The following CNTNAP2 variants were observed in gnomAD, a reference collection of about 807,000 sequenced individuals.
The protein encoded by CNTNAP2 is contactin-associated protein-like 2.
In CNTNAP2, 98 loss-of-function variants were observed where a neutral mutation model predicts 155.2. The ratio of observed to expected loss-of-function variants is 0.63; its 90% confidence interval spans 0.54 to 0.75. The LOEUF (loss-of-function observed/expected upper bound fraction) is 0.75, where lower values mean the gene tolerates loss of function less well. Ranked by LOEUF, CNTNAP2 falls within the 30% of genes least tolerant of loss-of-function variation. The probability of loss-of-function intolerance (pLI) is 0.00; values close to 1 mark genes in which losing one functional copy is unlikely to be tolerated. For missense variants in CNTNAP2, 1,727 were observed against 1,688.1 expected, an observed-to-expected ratio of 1.02 and a Z score of -0.40; for synonymous variants, 651 against 631.2, an observed-to-expected ratio of 1.03 and a Z score of -0.47.
intron 3 of CNTNAP2, among the ~76,000 whole-genome samples, chr7:146,957,869 T>C (rs374166582): frequency 3.6e-4 from 55 of 152,280 alleles, no homozygotes; most frequent in Middle Eastern, 3.4e-3. Context: ...TAATAGTTTA[T>C]ACACATGGAC....
At chr7:146,637,471 A>G (rs1298595942) in intron 1 of CNTNAP2, among the ~76,000 whole-genome samples, 2 of 152,010 alleles carry the variant, frequency 1.3e-5, no homozygotes, top group Non-Finnish European at 2.9e-5. Context: ...TTTCTTTTTC[A>G]ACAGGAAGCT....
intron 12 of CNTNAP2, among the ~76,000 whole-genome samples, chr7:147,630,117 T>C (rs1361552000): frequency 1.3e-5 from 2 of 151,352 alleles, no homozygotes; most frequent in African/African-American, 2.4e-5. Flanking sequence ...AAATGTCAAT[T>C]AGAAACAAAA....
chr7:146,831,193 G>T (rs1010319025), intron 2 of CNTNAP2, among the ~76,000 whole-genome samples: 1 of 151,988 alleles, frequency 6.6e-6, no homozygotes, highest in Non-Finnish European at 1.5e-5. Flanking sequence ...CTTTAAAGAG[G>T]ATCTCTCTTG....
At chr7:148,076,560 C>G (rs945060861) in intron 15 of CNTNAP2, among the ~76,000 whole-genome samples, 2 of 150,888 alleles carry the variant, frequency 1.3e-5, no homozygotes, top group Admixed American at 1.3e-4. Flanking sequence ...CTCAGCCTCC[C>G]GAGCAGCTGG....
chr7:147,210,877 T>A (rs963852198), intron 8 of CNTNAP2, among the ~76,000 whole-genome samples: 6 of 152,012 alleles, frequency 3.9e-5, no homozygotes, highest in Admixed American at 2.0e-4. Flanking sequence ...TGTAATCATG[T>A]AGTTTTGAGG....
intron 1 of CNTNAP2, among the ~76,000 whole-genome samples, chr7:146,674,661 A>AC (rs1421502000): frequency 6.6e-6 from 1 of 152,108 alleles, no homozygotes; most frequent in East Asian, 1.9e-4. Context: ...AGCAAGGAAT[A>AC]CCCCAAAGAG....
chr7:146,890,388 T>C (rs2129211325), intron 3 of CNTNAP2, among the ~76,000 whole-genome samples: 1 of 152,326 alleles, frequency 6.6e-6, no homozygotes, highest in East Asian at 1.9e-4. Context: ...GTAGACCAGA[T>C]GGAGAATCCA....
chr7:147,532,845 C>T (rs1232480823), intron 11 of CNTNAP2, among the ~76,000 whole-genome samples: 1 of 152,130 alleles, frequency 6.6e-6, no homozygotes, highest in African/African-American at 2.4e-5. Flanking sequence ...TGGGAAAGAC[C>T]AGCCCCCATG....
intron 4 of CNTNAP2, among the ~76,000 whole-genome samples, chr7:147,087,887 G>A (rs1237520466): frequency 6.6e-6 from 1 of 152,126 alleles, no homozygotes; most frequent in Admixed American, 6.5e-5. Flanking sequence ...TGAGGCAGGA[G>A]ATCCCCTTGA....
At chr7:147,980,243 G>T (rs2116868230) in intron 15 of CNTNAP2, among the ~76,000 whole-genome samples, 1 of 147,164 alleles carries the variant, frequency 6.8e-6, no homozygotes. Flanking sequence ...GCCATAGAAG[G>T]TGTATTTCAG....
At chr7:147,383,625 G>A (rs1796578728) in intron 9 of CNTNAP2, among the ~76,000 whole-genome samples, 1 of 152,018 alleles carries the variant, frequency 6.6e-6, no homozygotes, top group Non-Finnish European at 1.5e-5. Context: ...TGTCGGGGTG[G>A]GGAGCAAGGG....
intron 9 of CNTNAP2, among the ~76,000 whole-genome samples, chr7:147,342,258 T>C (rs918515776): frequency 6.6e-6 from 1 of 152,194 alleles, no homozygotes; most frequent in Non-Finnish European, 1.5e-5. Flanking sequence ...ATAATGATAA[T>C]GGAACATGCA....
chr7:148,301,303 A>AT (rs1340370643), intron 21 of CNTNAP2, among the ~76,000 whole-genome samples: 1,725 of 58,190 alleles, frequency 0.03, 36 homozygotes, highest in South Asian at 0.13. Context: ...AAAAAAAAAA[A>AT]AAAATATATA....
chr7:147,867,426 T>G lies in CNTNAP2; in HGVS notation c.2099-36139T>G, dbSNP rs575568118. Among the ~76,000 whole-genome samples, 254 of 152,300 alleles carry G rather than the reference T, an allele frequency of 1.7e-3. 2 individuals are homozygous for G. The highest frequency in any genetic ancestry group is 5.9e-3 in the African/African-American group (247 of 41,560). On this transcript the variant is annotated intron_variant, in intron 13 of 23. Transcript: ENST00000361727. ...TTGGTGAATCTGACGGTTATGTACC[T>G]TGGAGTGGCTCTTCTTGAGGAGTAT...
intron 1 of CNTNAP2, among the ~76,000 whole-genome samples, chr7:146,479,618 TAA>T (rs1796930148): frequency 6.6e-6 from 1 of 152,062 alleles, no homozygotes; most frequent in African/African-American, 2.4e-5. Flanking sequence ...TATAAAAAAT[TAA>T]GTTTATCAAC....
chr7:148,331,763 T>TGGAG (rs1563046107), intron 21 of CNTNAP2, among the ~76,000 whole-genome samples: 5 of 15,152 alleles, frequency 3.3e-4, no homozygotes, highest in Admixed American at 6.7e-4. Flanking sequence ...GACGGATGGA[T>TGGAG]TGGATGGATG....
intron 13 of CNTNAP2, among the ~76,000 whole-genome samples, chr7:147,665,801 T>G (rs950733467): frequency 6.6e-6 from 1 of 152,242 alleles, no homozygotes; most frequent in Non-Finnish European, 1.5e-5. Flanking sequence ...GGACATGACC[T>G]CATTCTTTTG....
At chr7:147,498,305 G>T (rs1214448824) in intron 11 of CNTNAP2, among the ~76,000 whole-genome samples, 1 of 152,136 alleles carries the variant, frequency 6.6e-6, no homozygotes, top group Non-Finnish European at 1.5e-5. Context: ...TGATGAAAGT[G>T]CAGTCATTGC....
intron 1 of CNTNAP2, among the ~76,000 whole-genome samples, chr7:146,716,188 A>T (rs528304794): frequency 6.2e-5 from 9 of 145,954 alleles, no homozygotes; most frequent in African/African-American, 2.1e-4. Context: ...TGTATGGCGC[A>T]TTGTTAGGAA....
Sources: allele counts gnomAD v4.1 joint callset (sites outside exome capture counted in the v4.1 genomes callset), GRCh38; gene constraint gnomAD v4.1.1; transcripts MANE v1.5; gene names NCBI Gene and HGNC (gene_info 2026-07-23, HGNC 2026-07-21).